Variants in ITGAX observed in about 807,000 individuals in gnomAD.
The protein encoded by ITGAX is integrin alpha-X.
Under a neutral mutation model 140.2 loss-of-function variants are expected in ITGAX, and 99 were observed. The observed-to-expected ratio is 0.71, with a 90% CI of 0.60 to 0.83. ITGAX has a LOEUF of 0.83. ITGAX is among the 40% of genes least tolerant of loss of function. The pLI, the probability that ITGAX is intolerant of heterozygous loss-of-function variation, is 0.00. For synonymous variants in ITGAX, 631 were observed against 600.4 expected (o/e 1.05, Z -0.75); for missense variants, 1,444 against 1,482.0 (o/e 0.97, Z 0.42).
intron 14 of ITGAX, among the ~76,000 whole-genome samples, chr16:31,364,954 G>T (rs2080877616): frequency 6.6e-6 from 1 of 152,164 alleles, no homozygotes; most frequent in Non-Finnish European, 1.5e-5. Context: ...GGGAGGTGGG[G>T]GTTGTGGTGA....
chr16:31,381,574 A>G (rs2081069146), intron 29 of ITGAX, among the ~76,000 whole-genome samples: 1 of 152,138 alleles, frequency 6.6e-6, no homozygotes, highest in Non-Finnish European at 1.5e-5. Context: ...GGTTGCAGTG[A>G]GCCGAGATCA....
At position 31,360,339 on chromosome 16, in the gene ITGAX, C is replaced by A; in HGVS notation, c.737C>A (p.Ala246Asp). ...CGATTGTTCCATGCCTCATATGGGG[C>A]CCGTAGGGATGCCGCCAAAATTCTC... is the stretch of plus-strand genomic sequence containing the variant. ...VHRLFHASYG[A>D]RRDAAKILIV... The change falls in exon 8 of 30, where the codon GCC becomes GAC. Residue 246 changes from alanine (A) to aspartate (D), a missense_variant. By Grantham distance (126) the Ala-to-Asp change is moderately radical. Transcript: ENST00000268296. 6.2e-7 allele frequency: 1 copy of A among 1,613,638 alleles called. No homozygotes were observed. Among genetic ancestry groups the A allele is most frequent in the Non-Finnish European group, 8.5e-7 (1 of 1,179,702 alleles).
At position 31,376,860 on chromosome 16, in the gene ITGAX, G is replaced by C; in HGVS notation, c.2570G>C (p.Gly857Ala). Reference sequence around the variant, plus strand: ...GACAGCGCCCCAGTTGGGAGCCAGGGCACCTGGAGCACCAGCTGCAGAATC... The same window carrying C: ...GACAGCGCCCCAGTTGGGAGCCAGGCCACCTGGAGCACCAGCTGCAGAATC... Reference protein sequence around the residue: ...TCDSAPVGSQGTWSTSCRINH... With the variant: ...TCDSAPVGSQATWSTSCRINH... Residue 857 changes from glycine (G) to alanine (A), a missense_variant, in exon 21 of 30, where the codon GGC (glycine) becomes GCC (alanine). Coordinates refer to ENST00000268296, the MANE Select transcript of ITGAX (RefSeq NM_000887.5). 1 of 1,614,212 alleles carries C rather than the reference G, an allele frequency of 6.2e-7. No individual in the cohort carries two copies. The highest frequency in any genetic ancestry group is 8.5e-7 in the Non-Finnish European group (1 of 1,180,034).
At position 31,371,667 on chromosome 16, in the gene ITGAX, C is replaced by G; in HGVS notation, c.2043C>G (p.Leu681=). The G allele has an allele frequency of 1.2e-6, 2 of 1,614,124 alleles. No homozygotes were observed. Among genetic ancestry groups the G allele is most frequent in the Non-Finnish European group, 1.7e-6 (2 of 1,180,024 alleles). ...GCTCTGTGACCTTGGACCTGGCCCT[C>G]GACCCTGGCCGCCTGAGTCCCCGTG... ...LQSSVTLDLA[L]DPGRLSPRAT... Residue 681 remains leucine, a synonymous_variant, in exon 17 of 30, where the codon CTC becomes CTG. Coordinates refer to ENST00000268296, the MANE Select transcript of ITGAX (RefSeq NM_000887.5).
intron 2 of ITGAX, chr16:31,356,281 C>A (rs1259700277): frequency 4.5e-6 from 2 of 440,562 alleles, no homozygotes; most frequent in Non-Finnish European, 8.1e-6. Flanking sequence ...TTTGTTTTTT[C>A]TTTCTTTTTT....
At chr16:31,370,660 C>T (rs944044775) in intron 14 of ITGAX, among the ~76,000 whole-genome samples, 6 of 152,174 alleles carry the variant, frequency 3.9e-5, no homozygotes, top group African/African-American at 1.4e-4. Flanking sequence ...ATATTATTGA[C>T]TGCTGGCTGT....
rs553515402 is a variant in ITGAX, at chr16:31,371,516, AACCCAGGAC to A, written c.2005+24_2005+32del. 252 of 1,612,546 alleles carry A rather than the reference AACCCAGGAC, an allele frequency of 1.6e-4. 4 individuals are homozygous for A. In the South Asian group the frequency reaches 2.6e-3, roughly 16 times the overall value. On this transcript the variant is annotated intron_variant, in intron 16 of 29. Transcript: ENST00000268296. ...GGGAGCCGTGAGTCCCCTCCCCTCC[AACCCAGGAC>A]ACCCTGACCTCTGGAGTCCCCCATC...
Position 31,363,242 on chromosome 16 carries a change from A to G in ITGAX, c.1578A>G (p.Thr526=), listed in dbSNP as rs773224320. The change falls in exon 14 of 30, where the codon ACA becomes ACG. Residue 526 remains threonine (T), a synonymous_variant. Transcript: ENST00000268296. ...GGGGTCGCTTTGGGGCGGCTCTGAC[A>G]GTGCTGGGGGATGTGAATGGGGACA... ...HPWGRFGAAL[T]VLGDVNGDKL... is the part of the protein sequence containing the mutation. 6.2e-7 allele frequency: 1 copy of G among 1,613,494 alleles called. No homozygotes were observed. The highest frequency in any genetic ancestry group is 2.2e-5 in the East Asian group (1 of 44,858).
In ITGAX at chr16:31,356,957, G is replaced by A. The variant is rs183230267; in HGVS notation, c.248-74G>A. ...AGACCTCCTTGTCTCCCAGGTGGAG[G>A]TGACCCCTGCCCAGCTCTTCCACAG... is the stretch of plus-strand genomic sequence containing the variant. On this transcript the variant is annotated intron_variant, in intron 3 of 29. Transcript: ENST00000268296. 240 of 1,306,016 alleles carry A rather than the reference G, an allele frequency of 1.8e-4. No individual in the cohort carries two copies. The African/African-American group carries it at 2.9e-3, about 16-fold the overall frequency. 80.9% of individuals were successfully genotyped at this position (1,306,016 alleles called of 1,614,324 possible).
chr16:31,379,870 C>A lies in ITGAX; in HGVS notation c.2976+6C>A, dbSNP rs1177702490. 3.7e-6 allele frequency: 6 copies of A among 1,613,504 alleles called. No homozygotes were observed. Among genetic ancestry groups the A allele is most frequent in the Non-Finnish European group, 5.1e-6 (6 of 1,179,518 alleles). ...TGGAGGTCTCCCACCCCCAGGTACC[C>A]AAGGACTGCATGTGGCTCCTCCACG... On this transcript the variant is annotated splice_donor_region_variant and intron_variant, in intron 25 of 29. Coordinates refer to ENST00000268296, the MANE Select transcript of ITGAX (RefSeq NM_000887.5).
Position 31,373,346 on chromosome 16 carries a change from T to C in ITGAX, c.2464T>C (p.Ser822Pro), listed in dbSNP as rs757823390. 1.2e-6 allele frequency: 2 copies of C among 1,613,518 alleles called. No homozygotes were observed. The highest frequency in any genetic ancestry group is 1.7e-6 in the Non-Finnish European group (2 of 1,179,976). The change falls in exon 20 of 30, where the codon TCC becomes CCC. Residue 822 changes from serine to proline, a missense_variant. Coordinates refer to ENST00000268296, the MANE Select transcript of ITGAX (RefSeq NM_000887.5). ...EDSYGTTITF[S>P]HPAGLSYRYV... ...CTCCTACGGAACCACCATCACCTTCTCCCACCCCGCAGGACTGTCCTACCG... is the reference window on the plus strand; with the variant it reads ...CTCCTACGGAACCACCATCACCTTCCCCCACCCCGCAGGACTGTCCTACCG...
intron 23 of ITGAX, among the ~76,000 whole-genome samples, chr16:31,378,818 C>CT (rs11324230): frequency 0.014 from 1,882 of 137,740 alleles, 50 homozygotes; most frequent in African/African-American, 0.047. Context: ...GACTCTCTCT[C>CT]TTTTTTTTTT....
At chr16:31,355,755 T>C in intron 1 of ITGAX, 138 bp from the exon 2 acceptor site, 2 of 679,734 alleles carry the variant, frequency 2.9e-6, no homozygotes, top group Non-Finnish European at 5.3e-6. Flanking sequence ...GAGAAGGGGA[T>C]GAGTTGGGTG....
At chr16:31,356,559 T>C (rs2080761605) in intron 2 of ITGAX, 66 bp from the exon 3 acceptor site, 2 of 1,142,758 alleles carry the variant, frequency 1.8e-6, no homozygotes, top group East Asian at 2.5e-5. Context: ...AACGCAAACT[T>C]GCCGGAGTGG....
Position 31,356,626 on chromosome 16 carries a change from G to T in ITGAX, c.145G>T (p.Val49Leu). ...AAAGTGTTCTTTGTCTCCTCGCAGG[G>T]TGGTGGTTGGAGCCCCCCAAAAGAT... is the stretch of plus-strand genomic sequence containing the variant. ...DSVVQYANSW[V>L]VVGAPQKITA... Residue 49 changes from valine to leucine, a missense_variant and splice_region_variant, in exon 3 of 30, where the codon GTG (valine) becomes TTG (leucine). By Grantham distance (32) the Val-to-Leu change is conservative. Transcript: ENST00000268296. 2 of 1,593,582 alleles carry T rather than the reference G, an allele frequency of 1.3e-6. No homozygotes were observed. The highest frequency in any genetic ancestry group is 1.7e-6 in the Non-Finnish European group (2 of 1,170,984).
chr16:31,364,358 T>C (rs141662934), intron 14 of ITGAX, among the ~76,000 whole-genome samples: 59 of 147,682 alleles, frequency 4.0e-4, no homozygotes, highest in Admixed American at 2.8e-3. Flanking sequence ...GCCCAGGAGG[T>C]TGAGGCTGCA....
rs1597086761 is a variant in ITGAX, at chr16:31,382,048, G to A, written c.*141G>A. ...CTGCTTCCTGTCTTTGGGAGAAAAC[G>A]TCTTGCTTGGGAAGGGGCCTTTGTC... is the stretch of plus-strand genomic sequence containing the variant. On this transcript the variant is annotated 3_prime_UTR_variant, in exon 30 of 30. Transcript: ENST00000268296. 10 of 1,442,420 alleles carry A rather than the reference G, an allele frequency of 6.9e-6. No individual in the cohort carries two copies. Among genetic ancestry groups the A allele is most frequent in the South Asian group, 4.4e-5 (3 of 68,676 alleles). 89.4% of individuals were successfully genotyped at this position (1,442,420 alleles called of 1,614,324 possible).
chr16:31,357,273 C>A lies in ITGAX; in HGVS notation c.339C>A (p.His113Gln), dbSNP rs1337172964. The A allele has an allele frequency of 1.2e-6, 2 of 1,607,022 alleles. No individual in the cohort carries two copies. Among genetic ancestry groups the A allele is most frequent in the Non-Finnish European group, 1.7e-6 (2 of 1,177,358 alleles). ...SQLLACGPTV[H>Q]HECGRNMYLT... Reference sequence around the variant, plus strand: ...CCCAGGCCTGCGGCCCCACCGTGCACCACGAGTGCGGGAGGAACATGTACC... The same window carrying A: ...CCCAGGCCTGCGGCCCCACCGTGCAACACGAGTGCGGGAGGAACATGTACC... Residue 113 changes from histidine (H) to glutamine (Q), a missense_variant, in exon 5 of 30, where the codon CAC becomes CAA. Physicochemically the swap from His to Gln is conservative, Grantham distance 24. Coordinates refer to ENST00000268296, the MANE Select transcript of ITGAX (RefSeq NM_000887.5).
chr16:31,381,908 T>C lies in ITGAX; in HGVS notation c.*1T>C. ...CCCCAGCCCGCCCAGTGAGAAATGA[T>C]CCCCTCTTTGCCTTGGACTTCTTCT... On this transcript the variant is annotated 3_prime_UTR_variant, in exon 30 of 30. Coordinates refer to ENST00000268296, the MANE Select transcript of ITGAX (RefSeq NM_000887.5). The C allele has an allele frequency of 1.1e-6, 1 of 937,246 alleles. No individual in the cohort carries two copies. Among genetic ancestry groups the C allele is most frequent in the Non-Finnish European group, 1.8e-6 (1 of 561,180 alleles). 58.1% of individuals were successfully genotyped at this position (937,246 alleles called of 1,614,324 possible).
Sources: allele counts gnomAD v4.1 joint callset (sites outside exome capture counted in the v4.1 genomes callset), GRCh38; gene constraint gnomAD v4.1.1; transcripts MANE v1.5; gene names NCBI Gene and HGNC (gene_info 2026-07-23, HGNC 2026-07-21).